The following CDKAL1 variants were observed in gnomAD, a reference collection of about 807,000 sequenced individuals.
The protein encoded by CDKAL1 is threonylcarbamoyladenosine tRNA methylthiotransferase.
Under a neutral mutation model 68.2 loss-of-function variants are expected in CDKAL1, and 32 were observed. That is an observed-to-expected ratio of 0.47 (90% confidence interval 0.35 to 0.63). The LOEUF (loss-of-function observed/expected upper bound fraction) is 0.63. Ranked by LOEUF, CDKAL1 falls within the 30% of genes least tolerant of loss-of-function variation. The probability of loss-of-function intolerance (pLI) is 0.00; values close to 1 mark genes in which losing one functional copy is unlikely to be tolerated. For missense variants in CDKAL1, 606 were observed against 696.7 expected, an observed-to-expected ratio of 0.87 and a Z score of 1.47; for synonymous variants, 234 against 244.3, an observed-to-expected ratio of 0.96 and a Z score of 0.39.
chr6:20,537,310 T>A (rs139757952), intron 2 of CDKAL1, among the ~76,000 whole-genome samples: 49 of 152,260 alleles, frequency 3.2e-4, no homozygotes, highest in African/African-American at 1.0e-3. Context: ...AGATTTGATA[T>A]GATGAAAAGC....
At chr6:21,138,766 A>ATT (rs1161836902) in intron 13 of CDKAL1, among the ~76,000 whole-genome samples, 1 of 152,168 alleles carries the variant, frequency 6.6e-6, no homozygotes, top group African/African-American at 2.4e-5. Context: ...ATACATTACC[A>ATT]TAAGACTTAA....
At chr6:20,894,400 T>TTTA (rs1354889483) in intron 9 of CDKAL1, among the ~76,000 whole-genome samples, 1 of 151,374 alleles carries the variant, frequency 6.6e-6, no homozygotes, top group Admixed American at 6.6e-5. Context: ...ACTTTTTTTT[T>TTTA]TTTTTTTTTT....
At chr6:20,851,890 T>C (rs956181327) in intron 9 of CDKAL1, among the ~76,000 whole-genome samples, 3 of 152,072 alleles carry the variant, frequency 2.0e-5, no homozygotes, top group African/African-American at 7.2e-5. Context: ...AGTTGTACAC[T>C]TTATATCAAG....
At chr6:20,553,230 C>T (rs1763901332) in intron 4 of CDKAL1, among the ~76,000 whole-genome samples, 1 of 152,148 alleles carries the variant, frequency 6.6e-6, no homozygotes, top group Non-Finnish European at 1.5e-5. Flanking sequence ...CTTCATAAGG[C>T]CAGGTGTGGT....
Position 20,606,892 on chromosome 6 carries a change from C to T in CDKAL1, c.287-42401C>T, listed in dbSNP as rs1766357635. On this transcript the variant is annotated intron_variant, in intron 4 of 15. Coordinates refer to ENST00000274695, the MANE Select transcript of CDKAL1 (RefSeq NM_017774.3). ...ATTTATTGAGCTTCCTTTTGCTTCACTCTAGACCAGGTGGTTTACATATGT... is the reference window on the plus strand; with the variant it reads ...ATTTATTGAGCTTCCTTTTGCTTCATTCTAGACCAGGTGGTTTACATATGT... Among the ~76,000 whole-genome samples, 4 of 152,338 alleles carry T rather than the reference C, an allele frequency of 2.6e-5. 1 individual carries two copies. Among genetic ancestry groups the T allele is most frequent in the Admixed American group, 2.6e-4 (4 of 15,304 alleles).
At chr6:20,928,292 T>C (rs530943569) in intron 9 of CDKAL1, among the ~76,000 whole-genome samples, 2 of 152,368 alleles carry the variant, frequency 1.3e-5, no homozygotes, top group South Asian at 2.1e-4. Flanking sequence ...TAGTTCTTCA[T>C]GGGATGTGAA....
At chr6:20,700,480 G>A (rs1581407133) in intron 5 of CDKAL1, among the ~76,000 whole-genome samples, 1 of 152,100 alleles carries the variant, frequency 6.6e-6, no homozygotes, top group Non-Finnish European at 1.5e-5. Context: ...GAGAAACAAG[G>A]AAAGTCATTG....
chr6:20,903,758 A>G (rs913604744), intron 9 of CDKAL1, among the ~76,000 whole-genome samples: 1 of 152,236 alleles, frequency 6.6e-6, no homozygotes, highest in Admixed American at 6.5e-5. Flanking sequence ...CATAATAAAC[A>G]TAAGTCCTTC....
At chr6:20,823,304 T>G (rs1033845305) in intron 8 of CDKAL1, among the ~76,000 whole-genome samples, 2 of 152,186 alleles carry the variant, frequency 1.3e-5, no homozygotes, top group African/African-American at 4.8e-5. Context: ...TCCTTACAGT[T>G]ACCTGTGCAT....
intron 10 of CDKAL1, among the ~76,000 whole-genome samples, chr6:20,957,008 T>TAAAAAAA (rs70990087): frequency 2.1e-4 from 24 of 113,816 alleles, no homozygotes; most frequent in Non-Finnish European, 2.9e-4. Flanking sequence ...TGATTCTCTG[T>TAAAAAAA]AAAAAAAAAA....
chr6:20,945,428 A>C (rs1190073634), intron 9 of CDKAL1, among the ~76,000 whole-genome samples: 2 of 152,210 alleles, frequency 1.3e-5, no homozygotes, highest in Admixed American at 1.3e-4. Flanking sequence ...GTTCAAAAGA[A>C]TAAAGTGATC....
intron 2 of CDKAL1, 65 bp from the exon 3 acceptor site, chr6:20,546,281 C>T: frequency 8.1e-7 from 1 of 1,230,920 alleles, no homozygotes; most frequent in East Asian, 2.4e-5. Flanking sequence ...GAGAATATTT[C>T]ATAAATGATG....
In CDKAL1 at chr6:20,546,457, C is replaced by G; in HGVS notation, c.107C>G (p.Pro36Arg). The change falls in exon 3 of 16, where the codon CCG (proline) becomes CGG (arginine). Residue 36 changes from proline to arginine, a missense_variant. Pro to Arg is a moderately radical substitution (Grantham distance 103, BLOSUM62 -2). Transcript: ENST00000274695. ...CATTTTGTAAGAAAGGATGTTGTCCCGAAGGTACGAAGGCGAAATACCCAA... is the reference window on the plus strand; with the variant it reads ...CATTTTGTAAGAAAGGATGTTGTCCGGAAGGTACGAAGGCGAAATACCCAA... Reference protein sequence around the residue: ...DRHFVRKDVVPKVRRRNTQKY... With the variant: ...DRHFVRKDVVRKVRRRNTQKY... The G allele has an allele frequency of 6.2e-7, 1 of 1,614,006 alleles. No homozygotes were observed. The highest frequency in any genetic ancestry group is 8.5e-7 in the Non-Finnish European group (1 of 1,179,972).
intron 9 of CDKAL1, among the ~76,000 whole-genome samples, chr6:20,948,626 T>A (rs530562325): frequency 1.3e-5 from 2 of 152,342 alleles, no homozygotes; most frequent in African/African-American, 4.8e-5. Context: ...CCATAATGTT[T>A]GGACTGCTAG....
At chr6:20,644,134 GCT>G (rs1768320993) in intron 4 of CDKAL1, among the ~76,000 whole-genome samples, 1 of 51,156 alleles carries the variant, frequency 2.0e-5, no homozygotes, top group African/African-American at 1.6e-4. Context: ...TGTCTGGCCT[GCT>G]TTTTTTTTTT....
intron 9 of CDKAL1, among the ~76,000 whole-genome samples, chr6:20,873,353 A>T (rs776297122): frequency 6.6e-6 from 1 of 152,176 alleles, no homozygotes; most frequent in African/African-American, 2.4e-5. Flanking sequence ...ACCTGGAAGT[A>T]TGCATTTATA....
intron 9 of CDKAL1, among the ~76,000 whole-genome samples, chr6:20,860,931 CTA>C (rs1408037694): frequency 1.2e-3 from 109 of 94,316 alleles, no homozygotes; most frequent in African/African-American, 3.8e-3. Context: ...GTAGTGTGGT[CTA>C]TTTTTTTTTT....
chr6:21,088,080 G>A (rs1001672877), intron 12 of CDKAL1, among the ~76,000 whole-genome samples: 3 of 152,184 alleles, frequency 2.0e-5, no homozygotes, highest in East Asian at 1.9e-4. Context: ...TTTAGCTTGA[G>A]GGTAGGGTTA....
chr6:20,870,878 G>A (rs2150541278), intron 9 of CDKAL1, among the ~76,000 whole-genome samples: 1 of 152,284 alleles, frequency 6.6e-6, no homozygotes, highest in Admixed American at 6.5e-5. Context: ...GGTCAGGACT[G>A]TTATGGTGCA....
Sources: allele counts gnomAD v4.1 joint callset (sites outside exome capture counted in the v4.1 genomes callset), GRCh38; gene constraint gnomAD v4.1.1; transcripts MANE v1.5; gene names NCBI Gene and HGNC (gene_info 2026-07-23, HGNC 2026-07-21).